The following HNRNPM variants were observed in gnomAD, a reference collection of about 807,000 sequenced individuals.
HNRNPM encodes the protein CEA receptor.
HNRNPM carries 11 observed loss-of-function variants against 73.1 expected under a neutral mutation model. The observed-to-expected ratio is 0.15, with a 90% CI of 0.09 to 0.25. The LOEUF is 0.25. Among genes scored for constraint, HNRNPM ranks in the 10% least tolerant of loss-of-function variants. The probability of loss-of-function intolerance (pLI) is 1.00; values close to 1 mark genes in which losing one functional copy is unlikely to be tolerated. For missense variants in HNRNPM, 789 were observed against 1,067.9 expected (o/e 0.74, Z 3.64); for synonymous variants, 407 against 355.2 (o/e 1.15, Z -1.64).
Position 8,485,690 on chromosome 19 carries a change from C to T in HNRNPM, c.1262C>T (p.Ala421Val), listed in dbSNP as rs375484908. Residue 421 changes from alanine to valine, a missense_variant, in exon 14 of 16, where the codon GCG becomes GTG. Physicochemically the swap from Ala to Val is moderately conservative, Grantham distance 64 (BLOSUM62 0). This residue lies in a region of HNRNPM where 604 missense variants were observed against 744.0 expected (regional missense o/e 0.81). Coordinates refer to ENST00000325495, the MANE Select transcript of HNRNPM (RefSeq NM_005968.5). ...GGTGCCGGCATGGAGCGCATGGGCG[C>T]GGGCCTGGGCCACGGCATGGATCGC... ...LGGAGMERMG[A>V]GLGHGMDRVG... 12 of 1,607,646 alleles carry T rather than the reference C, an allele frequency of 7.5e-6. No homozygotes were observed. The highest frequency in any genetic ancestry group is 9.3e-6 in the Non-Finnish European group (11 of 1,179,724).
chr19:8,488,525 A>G (rs1161607308), intron 15 of HNRNPM, 166 bp from the exon 16 acceptor site: 8 of 545,578 alleles, frequency 1.5e-5, no homozygotes, highest in Non-Finnish European at 3.2e-6. Context: ...AGGCTCTGTT[A>G]GCAGAAGAAT....
intron 1 of HNRNPM, among the ~76,000 whole-genome samples, chr19:8,452,943 C>T (rs1968732325): frequency 1.3e-5 from 2 of 151,998 alleles, no homozygotes; most frequent in Admixed American, 1.3e-4. Flanking sequence ...TGGACTGGAG[C>T]CATCCTCTCA....
chr19:8,488,418 A>C (rs891270075), intron 15 of HNRNPM: 2 of 355,978 alleles, frequency 5.6e-6, no homozygotes, highest in Admixed American at 8.4e-5. Flanking sequence ...CTTTCTGCCT[A>C]TAAAGCTGGC....
chr19:8,477,709 T>G (rs909981840), intron 12 of HNRNPM, among the ~76,000 whole-genome samples: 6 of 141,636 alleles, frequency 4.2e-5, no homozygotes, highest in Non-Finnish European at 6.0e-5. Context: ...TTACAAAATA[T>G]GAGAAAGTTG....
chr19:8,469,239 GAC>G (rs900172616), intron 9 of HNRNPM, among the ~76,000 whole-genome samples: 1 of 152,188 alleles, frequency 6.6e-6, no homozygotes, highest in African/African-American at 2.4e-5. Context: ...CAGGATGAAA[GAC>G]ACATGCTGCA....
In HNRNPM at chr19:8,462,370, T is replaced by A. The variant is rs1484897540; in HGVS notation, c.284-159T>A. On this transcript the variant is annotated intron_variant, in intron 2 of 15. Coordinates refer to ENST00000325495, the MANE Select transcript of HNRNPM (RefSeq NM_005968.5). This position sits in a 1 kb window ranked among gnomAD's most constrained non-coding sequence, Gnocchi z 4.5. ...TTTTCACCTACTTTTACTGCACACC[T>A]GTAATGCCTAGTTCGGTGGTTTAGA... 2.6e-5 allele frequency: 17 copies of A among 663,276 alleles called. No homozygotes were observed. The highest frequency in any genetic ancestry group is 4.1e-5 in the Non-Finnish European group (15 of 362,888). The allele number at this position is 663,276 out of a possible 1,614,324, so 41.1% of individuals were successfully genotyped here. A position where few individuals can be genotyped will look rare whatever the true frequency, so the allele number is the denominator to read the frequency against.
Position 8,462,407 on chromosome 19 carries a change from G to T in HNRNPM, c.284-122G>T. The stretch of plus-strand genomic sequence containing the variant: ...TTCGGTGGTTTAGAGAATATGGAGT[G>T]TTTCTGGGCTTTCTTATAAGGCAGA... On this transcript the variant is annotated intron_variant, in intron 2 of 15. Transcript: ENST00000325495. The surrounding 1 kb of genome is among the most constrained non-coding windows in gnomAD (Gnocchi z 4.5). The T allele has an allele frequency of 1.2e-6, 1 of 834,588 alleles. No homozygotes were observed. Among genetic ancestry groups the T allele is most frequent in the African/African-American group, 1.7e-5 (1 of 59,406 alleles). The allele number at this position is 834,588 out of a possible 1,614,324, so 51.7% of individuals were successfully genotyped here.
chr19:8,450,422 G>GT, intron 1 of HNRNPM, among the ~76,000 whole-genome samples: 1 of 152,082 alleles, frequency 6.6e-6, no homozygotes, highest in East Asian at 1.9e-4. Context: ...GGGTTTTTTT[G>GT]TTTTTTGAGA....
intron 1 of HNRNPM, among the ~76,000 whole-genome samples, chr19:8,449,943 C>T (rs1226773797): frequency 6.6e-6 from 1 of 152,198 alleles, no homozygotes; most frequent in African/African-American, 2.4e-5. Flanking sequence ...TACTGCTTCC[C>T]TAGATGAGCT....
chr19:8,476,575 AAAAAG>A (rs200673485), intron 12 of HNRNPM, among the ~76,000 whole-genome samples: 88 of 42,734 alleles, frequency 2.1e-3, no homozygotes, highest in Non-Finnish European at 9.3e-3. Context: ...TTAAAAAAAA[AAAAAG>A]AGAGATTGTT....
chr19:8,488,249 GTT>G (rs1273974703), intron 15 of HNRNPM: 2 of 154,278 alleles, frequency 1.3e-5, no homozygotes, highest in African/African-American at 2.4e-5. Context: ...TGTCCACGGC[GTT>G]GACACATATC....
intron 9 of HNRNPM, 26 bp from the exon 10 acceptor site, chr19:8,471,300 T>G: frequency 6.9e-7 from 1 of 1,455,726 alleles, no homozygotes; most frequent in Non-Finnish European, 9.4e-7. Flanking sequence ...AGGGGAAAAC[T>G]AAGCTTCTTT....
chr19:8,458,081 C>T (rs537102974), intron 2 of HNRNPM, among the ~76,000 whole-genome samples: 2 of 152,316 alleles, frequency 1.3e-5, no homozygotes, highest in East Asian at 3.9e-4. Context: ...CCTCTCAGAA[C>T]TAAAGTAGCT....
At chr19:8,453,182 C>G in intron 1 of HNRNPM, among the ~76,000 whole-genome samples, 1 of 149,822 alleles carries the variant, frequency 6.7e-6, no homozygotes, top group East Asian at 2.0e-4. Context: ...CATTATGTCA[C>G]TCAGGCTGGA....
At chr19:8,466,511 T>G in intron 7 of HNRNPM, 123 bp downstream of exon 7, 1 of 981,698 alleles carries the variant, frequency 1.0e-6, no homozygotes, top group South Asian at 1.3e-5. Flanking sequence ...CTAGGGGGAG[T>G]GCATTACTGT....
intron 3 of HNRNPM, among the ~76,000 whole-genome samples, chr19:8,463,168 C>T (rs754384184): frequency 2.6e-5 from 4 of 152,096 alleles, no homozygotes; most frequent in Non-Finnish European, 2.9e-5. Flanking sequence ...ATGGTAAGGA[C>T]TCGATTGAGT....
rs61742109 is a variant in HNRNPM at position 8,486,231 on chromosome 19, C to T, written c.1803C>T (p.Gly601=). 4,171 of 1,591,140 alleles carry T rather than the reference C, an allele frequency of 2.6e-3. 65 individuals carry two copies. The African/African-American group carries it at 0.039, about 15-fold the overall frequency. ...GCCCTGCCATGGGCCCGGCCCTGGG[C>T]GCTGGCATTGAGCGCATGGGCCTGG... is the stretch of plus-strand genomic sequence containing the variant. The part of the protein sequence containing the change: ...RMGPAMGPAL[G]AGIERMGLAM... The change falls in exon 14 of 16, where the codon GGC becomes GGT. Residue 601 remains glycine, a synonymous_variant. Transcript: ENST00000325495.
Position 8,467,543 on chromosome 19 carries a change from A to T in HNRNPM, c.793A>T (p.Asn265Tyr). Residue 265 changes from asparagine to tyrosine, a missense_variant, in exon 8 of 16, where the codon AAT becomes TAT. Asn to Tyr is a moderately radical substitution (Grantham distance 143). Coordinates refer to ENST00000325495, the MANE Select transcript of HNRNPM (RefSeq NM_005968.5). ...IEAVQAISMF[N>Y]GQLLFDRPMH... is the part of the protein sequence containing the mutation. ...CTTAATTGTAATACCAGCTATGTTC[A>T]ATGGCCAGCTGCTATTTGATAGACC... The T allele has an allele frequency of 6.2e-7, 1 of 1,611,982 alleles. No individual in the cohort carries two copies. The highest frequency in any genetic ancestry group is 8.5e-7 in the Non-Finnish European group (1 of 1,178,010).
chr19:8,468,835 G>T lies in HNRNPM; in HGVS notation c.895+1G>T. 6.2e-7 allele frequency: 1 copy of T among 1,610,720 alleles called. No homozygotes were observed. The highest frequency in any genetic ancestry group is 8.5e-7 in the Non-Finnish European group (1 of 1,176,962). On this transcript the variant is annotated splice_donor_variant, in intron 9 of 15. Coordinates refer to ENST00000325495, the MANE Select transcript of HNRNPM (RefSeq NM_005968.5). LOFTEE classifies it high-confidence loss of function. Reference sequence around the variant, plus strand: ...CCTGAGCGTCCACAACAACTTCCCCGTAAGTGTTTCAGTGATTAGGGCTGA... The same window carrying T: ...CCTGAGCGTCCACAACAACTTCCCCTTAAGTGTTTCAGTGATTAGGGCTGA...
Sources: allele counts gnomAD v4.1 joint callset (sites outside exome capture counted in the v4.1 genomes callset), GRCh38; gene constraint gnomAD v4.1.1; regional missense constraint gnomAD v4.1.1; non-coding constraint Gnocchi (gnomAD v3.1); transcripts MANE v1.5; gene names NCBI Gene and HGNC (gene_info 2026-07-23, HGNC 2026-07-21).